Variants in SPINK5 observed in about 807,000 individuals in gnomAD.
The protein encoded by SPINK5 is serine peptidase inhibitor Kazal type 5.
In SPINK5, 125 loss-of-function variants were observed where a neutral mutation model predicts 151.8. The ratio of observed to expected loss-of-function variants is 0.82; its 90% CI spans 0.71 to 0.96. The LOEUF is 0.96. Ranked by LOEUF, SPINK5 falls within the 40% of genes least tolerant of loss-of-function variation. The probability of loss-of-function intolerance (pLI) is 0.00; values close to 1 mark genes in which losing one functional copy is unlikely to be tolerated. For synonymous variants in SPINK5, 374 were observed against 395.3 expected (o/e 0.95, Z 0.64); for missense variants, 1,194 against 1,291.9 (o/e 0.92, Z 1.16).
At chr5:148,132,169 T>A (rs555518814) in intron 31 of SPINK5, among the ~76,000 whole-genome samples, 3 of 152,218 alleles carry the variant, frequency 2.0e-5, no homozygotes, top group East Asian at 1.9e-4. Context: ...AAATAATTTT[T>A]AAATAATTTC....
At chr5:148,092,029 G>C (rs997104798) in intron 8 of SPINK5, among the ~76,000 whole-genome samples, 1 of 151,838 alleles carries the variant, frequency 6.6e-6, no homozygotes, top group Non-Finnish European at 1.5e-5. Flanking sequence ...CTGGGTGTGG[G>C]AGACTAAGTA....
chr5:148,101,226 C>A, intron 13 of SPINK5, 129 bp from the exon 14 acceptor site: 1 of 712,060 alleles, frequency 1.4e-6, no homozygotes, highest in Non-Finnish European at 2.5e-6. Flanking sequence ...AGTGTAAGCA[C>A]AGGGTTAGGC....
At chr5:148,114,606 A>G (rs534356641) in intron 21 of SPINK5, 117 bp downstream of exon 21, 1 of 1,437,870 alleles carries the variant, frequency 7.0e-7, no homozygotes, top group South Asian at 1.2e-5. Flanking sequence ...ACAGAAGGTT[A>G]TCTGTAAAGC....
In SPINK5 at chr5:148,070,952, T is replaced by TA. The variant is rs147996683; in HGVS notation, c.209+503dup. On this transcript the variant is annotated intron_variant, in intron 3 of 32. Coordinates refer to ENST00000256084, the MANE Select transcript of SPINK5 (RefSeq NM_006846.4). ...TGTCTTTAGACACCTAGCATTATTC[T>TA]AGGATGAGATGAACTAAAGGGTAGA... 1.7e-3 allele frequency among the ~76,000 whole-genome samples: 257 copies of TA among 152,210 alleles called. 2 individuals are homozygous for TA. Among genetic ancestry groups the TA allele is most frequent in the African/African-American group, 6.0e-3 (250 of 41,554 alleles).
Position 148,118,556 on chromosome 5 carries a change from A to G in SPINK5, c.2232A>G (p.Lys744=). 1.9e-6 allele frequency: 3 copies of G among 1,614,168 alleles called. No individual in the cohort carries two copies. Among genetic ancestry groups the G allele is most frequent in the Non-Finnish European group, 1.7e-6 (2 of 1,180,014 alleles). Residue 744 remains lysine, a synonymous_variant, in exon 23 of 33, where the codon AAA becomes AAG. Coordinates refer to ENST00000256084, the MANE Select transcript of SPINK5 (RefSeq NM_006846.4). The part of the protein sequence containing the change: ...KSYNNQCTMC[K]AKLEREAERK... ...ACAACAATCAGTGTACCATGTGTAA[A>G]GCAAAATTGTAAGTATTTCTCTCAA...
intron 22 of SPINK5, 143 bp downstream of exon 22, chr5:148,116,609 A>G: frequency 2.5e-6 from 2 of 791,526 alleles, no homozygotes; most frequent in Non-Finnish European, 4.3e-6. Context: ...TTGCAGGGTA[A>G]GATATCAGCA....
chr5:148,092,644 A>G (rs549354404), intron 8 of SPINK5, among the ~76,000 whole-genome samples: 1 of 151,834 alleles, frequency 6.6e-6, no homozygotes, highest in Non-Finnish European at 1.5e-5. Context: ...GTTTCTTCAG[A>G]ATCTCCTTGG....
At chr5:148,069,292 A>G (rs1181437602) in intron 2 of SPINK5, among the ~76,000 whole-genome samples, 1 of 151,872 alleles carries the variant, frequency 6.6e-6, no homozygotes, top group East Asian at 1.9e-4. Context: ...TCAAAGAATT[A>G]CCACTTTTGA....
At chr5:148,123,521 G>GTGTGTGTGTGTATATATATATA (rs1328976077) in intron 26 of SPINK5, among the ~76,000 whole-genome samples, 1 of 25,014 alleles carries the variant, frequency 4.0e-5, no homozygotes, top group African/African-American at 8.0e-5. Flanking sequence ...CAATATATGT[G>GTGTGTGTGTGTATATATATATA]TATATATATA....
intron 9 of SPINK5, among the ~76,000 whole-genome samples, chr5:148,094,785 T>A (rs1753412099): frequency 6.6e-6 from 1 of 151,966 alleles, no homozygotes; most frequent in Non-Finnish European, 1.5e-5. Flanking sequence ...TAGTATAGAA[T>A]GGGGGTAAAA....
At chr5:148,095,797 C>T in intron 9 of SPINK5, 21 bp from the exon 10 acceptor site, 1 of 1,584,808 alleles carries the variant, frequency 6.3e-7, no homozygotes. Flanking sequence ...CATCTCTACT[C>T]ATTTATTTTA....
At position 148,094,343 on chromosome 5, in the gene SPINK5, T is replaced by C. The variant is rs567822059; in HGVS notation, c.667-11T>C. The C allele has an allele frequency of 6.2e-7, 1 of 1,611,600 alleles. No individual in the cohort carries two copies. Among genetic ancestry groups the C allele is most frequent in the South Asian group, 1.1e-5 (1 of 91,046 alleles). ...AAATGAAGTAAAATAAATATAATTG[T>C]CTTTTCAAAGGATTTTTGCAAGGAA... On this transcript the variant is annotated splice_polypyrimidine_tract_variant and intron_variant, in intron 8 of 32. Coordinates refer to ENST00000256084, the MANE Select transcript of SPINK5 (RefSeq NM_006846.4).
Position 148,131,156 on chromosome 5 carries a change from A to G in SPINK5, c.2965-103A>G. 5.6e-6 allele frequency: 8 copies of G among 1,417,398 alleles called. No individual in the cohort carries two copies. The South Asian group carries it at 9.2e-5, about 16-fold the overall frequency. The allele number at this position is 1,417,398 out of a possible 1,614,324, so 87.8% of individuals were successfully genotyped here. On this transcript the variant is annotated intron_variant, in intron 30 of 32. Coordinates refer to ENST00000256084, the MANE Select transcript of SPINK5 (RefSeq NM_006846.4). Reference sequence around the variant, plus strand: ...TAACATATATCACACTCCTTTTACAACCATTTATTCAAGTTGGATTAAGGA... The same window carrying G: ...TAACATATATCACACTCCTTTTACAGCCATTTATTCAAGTTGGATTAAGGA...
rs1213590859 is a variant in SPINK5, at chr5:148,082,810, C to T, written c.283-3595C>T. ...ATTTTTAGTAGAGACAGGGTTTCACCGTGTTAGCCAGGATGGTCTCGATCT... is the reference window on the plus strand; with the variant it reads ...ATTTTTAGTAGAGACAGGGTTTCACTGTGTTAGCCAGGATGGTCTCGATCT... On this transcript the variant is annotated intron_variant, in intron 4 of 32. Coordinates refer to ENST00000256084, the MANE Select transcript of SPINK5 (RefSeq NM_006846.4). Among the ~76,000 whole-genome samples the T allele has an allele frequency of 5.9e-4, 12 of 20,462 alleles. 4 individuals are homozygous for T. The highest frequency in any genetic ancestry group is 9.1e-4 in the Non-Finnish European group (12 of 13,214). 13.4% of individuals were successfully genotyped at this position (20,462 alleles called of 152,430 possible). A position where few individuals can be genotyped will look rare whatever the true frequency, so the allele number is the denominator to read the frequency against.
At position 148,131,408 on chromosome 5, in the gene SPINK5, C is replaced by CCATCATAT. The variant is rs1413927129; in HGVS notation, c.3095+21_3095+28dup. The CCATCATAT allele has an allele frequency of 6.2e-7, 1 of 1,613,472 alleles. No individual in the cohort carries two copies. Among genetic ancestry groups the CCATCATAT allele is most frequent in the Non-Finnish European group, 8.5e-7 (1 of 1,179,578 alleles). On this transcript the variant is annotated intron_variant, in intron 31 of 32. Coordinates refer to ENST00000256084, the MANE Select transcript of SPINK5 (RefSeq NM_006846.4). ...AAAACCTGTAAGTATTCAAGTTGCCCCATCATATCTTCCAGTTTAGAATTT... is the reference window on the plus strand; with the variant it reads ...AAAACCTGTAAGTATTCAAGTTGCCCCATCATATCATCATATCTTCCAGTTTAGAATTT...
At chr5:148,105,036 C>T (rs781456948) in intron 16 of SPINK5, 36 bp downstream of exon 16, 6 of 1,599,140 alleles carry the variant, frequency 3.8e-6, no homozygotes, top group South Asian at 3.3e-5. Flanking sequence ...TGTGCCCTGA[C>T]ATTTTTCATT....
intron 2 of SPINK5, among the ~76,000 whole-genome samples, chr5:148,068,302 T>G (rs1320420147): frequency 6.6e-6 from 1 of 152,002 alleles, no homozygotes; most frequent in East Asian, 1.9e-4. Context: ...CGTTTAGTTA[T>G]TCTCCTTCAC....
chr5:148,083,602 A>T (rs1351197339), intron 4 of SPINK5, among the ~76,000 whole-genome samples: 2 of 151,358 alleles, frequency 1.3e-5, no homozygotes, highest in African/African-American at 4.8e-5. Context: ...TCTATTGTCA[A>T]TTTCTTTGTC....
intron 4 of SPINK5, among the ~76,000 whole-genome samples, chr5:148,074,074 T>G (rs4472254): frequency 0.67 from 100,961 of 151,474 alleles, 34,157 homozygotes; most frequent in East Asian, 0.79. Context: ...TGTTTTTTGT[T>G]GTTGTTGTTT....
Sources: allele counts gnomAD v4.1 joint callset (sites outside exome capture counted in the v4.1 genomes callset), GRCh38; gene constraint gnomAD v4.1.1; transcripts MANE v1.5; gene names NCBI Gene and HGNC (gene_info 2026-07-23, HGNC 2026-07-21).